Variants in SAMD5 observed in about 807,000 individuals in gnomAD.
SAMD5 encodes sterile alpha motif domain containing 5.
A neutral mutation model predicts 11.3 loss-of-function variants in SAMD5; 13 were observed. The ratio of observed to expected loss-of-function variants is 1.15; its 90% CI spans 0.75 to 1.83. SAMD5 has a LOEUF of 1.83. Among genes scored for constraint, SAMD5 ranks in the 40% most tolerant of loss-of-function variants. The probability of loss-of-function intolerance (pLI) is 0.00; values close to 1 mark genes in which losing one functional copy is unlikely to be tolerated. For missense variants in SAMD5, 255 were observed against 239.1 expected (o/e 1.07, Z -0.44); for synonymous variants, 129 against 111.3 (o/e 1.16, Z -1.00).
the SAMD5 span, among the ~76,000 whole-genome samples, chr6:147,902,814 T>C: frequency 6.6e-6 from 1 of 152,194 alleles, no homozygotes; most frequent in Admixed American, 6.5e-5. Flanking sequence ...AAAAAGCAAT[T>C]TCCTGCAGCC....
At chr6:147,838,555 A>G in the SAMD5 span, among the ~76,000 whole-genome samples, 1 of 120,772 alleles carries the variant, frequency 8.3e-6, no homozygotes, top group East Asian at 3.0e-4. Flanking sequence ...GTTATTGTTT[A>G]TATATTATCA....
the SAMD5 span, among the ~76,000 whole-genome samples, chr6:147,794,619 A>G: frequency 6.6e-6 from 1 of 152,200 alleles, no homozygotes; most frequent in Non-Finnish European, 1.5e-5. Flanking sequence ...AAAGTTATGA[A>G]TATTAAGAAC....
At chr6:147,806,872 A>G in the SAMD5 span, among the ~76,000 whole-genome samples, 1 of 152,120 alleles carries the variant, frequency 6.6e-6, no homozygotes, top group Non-Finnish European at 1.5e-5. Context: ...TGGGGCCCTC[A>G]TAATGGGATT....
chr6:147,727,501 G>GT (rs371807515), intron 1 of SAMD5, among the ~76,000 whole-genome samples: 8 of 152,014 alleles, frequency 5.3e-5, no homozygotes, highest in African/African-American at 1.7e-4. Context: ...CTTATTCTTC[G>GT]TTTTTTTCAG....
the SAMD5 span, among the ~76,000 whole-genome samples, chr6:147,769,176 G>A: frequency 6.6e-6 from 1 of 152,198 alleles, no homozygotes; most frequent in Non-Finnish European, 1.5e-5. Context: ...CAGACACAAA[G>A]CAAAGAGACT....
chr6:147,738,240 C>T (rs76831580), downstream of SAMD5, among the ~76,000 whole-genome samples: 4 of 152,220 alleles, frequency 2.6e-5, no homozygotes, highest in East Asian at 1.9e-4. Flanking sequence ...TGTCTAGTTC[C>T]GATGTTTATC....
the SAMD5 span, among the ~76,000 whole-genome samples, chr6:147,875,440 C>T: frequency 6.6e-5 from 10 of 152,116 alleles, no homozygotes; most frequent in Non-Finnish European, 1.3e-4. Context: ...TGAAGTCCAG[C>T]CTGCCCAGAG....
chr6:147,696,524 G>A (rs1441085383), intron 1 of SAMD5, among the ~76,000 whole-genome samples: 1 of 152,148 alleles, frequency 6.6e-6, no homozygotes, highest in Non-Finnish European at 1.5e-5. Flanking sequence ...CCTGTTACCC[G>A]TGTGCACTCT....
the SAMD5 span, among the ~76,000 whole-genome samples, chr6:147,824,410 A>G: frequency 6.6e-6 from 1 of 152,300 alleles, no homozygotes. Flanking sequence ...TGCCACTCTA[A>G]AAAACCTAAC....
exon 2 of SAMD5, chr6:147,737,369 C>T (rs1332915848): frequency 7.9e-7 from 1 of 1,261,648 alleles, no homozygotes; most frequent in Non-Finnish European, 1.0e-6. Flanking sequence ...TTTATTGGAG[C>T]TGTGAATTTA....
chr6:147,621,037 C>A (rs890112504), intron 1 of SAMD5, among the ~76,000 whole-genome samples: 7 of 151,672 alleles, frequency 4.6e-5, no homozygotes, highest in African/African-American at 1.7e-4. Context: ...TGGAATATAG[C>A]AAATTGCAAA....
intron 1 of SAMD5, among the ~76,000 whole-genome samples, chr6:147,520,804 C>T (rs1374388795): frequency 6.6e-6 from 1 of 152,084 alleles, no homozygotes; most frequent in Non-Finnish European, 1.5e-5. Flanking sequence ...TATATGTATA[C>T]ATTGTGAAAT....
the SAMD5 span, among the ~76,000 whole-genome samples, chr6:147,896,755 A>AAACAAAAAACAAACAAAC: frequency 8.4e-3 from 1,202 of 142,362 alleles, 19 homozygotes; most frequent in African/African-American, 0.031. Flanking sequence ...AAAAAAAAAA[A>AAACAAAAAACAAACAAAC]AAAAAAAACG....
At chr6:147,663,355 A>T (rs990809477) in intron 1 of SAMD5, among the ~76,000 whole-genome samples, 9 of 152,166 alleles carry the variant, frequency 5.9e-5, no homozygotes, top group Admixed American at 5.9e-4. Context: ...GATCAGGAAA[A>T]AGAACTAATG....
chr6:147,612,785 A>G (rs563501624), intron 1 of SAMD5, among the ~76,000 whole-genome samples: 1 of 152,276 alleles, frequency 6.6e-6, no homozygotes, highest in South Asian at 2.1e-4. Flanking sequence ...GAGTTCTATC[A>G]TGTTATGTAA....
chr6:147,798,586 G>T, the SAMD5 span, among the ~76,000 whole-genome samples: 1 of 151,918 alleles, frequency 6.6e-6, no homozygotes, highest in Admixed American at 6.5e-5. Flanking sequence ...TATTAGGTCC[G>T]CTTGGTGCAG....
At chr6:147,636,497 C>T (rs1239799752) in intron 1 of SAMD5, among the ~76,000 whole-genome samples, 1 of 152,272 alleles carries the variant, frequency 6.6e-6, no homozygotes, top group Non-Finnish European at 1.5e-5. Context: ...AAGAATGAAA[C>T]TACAAAATCT....
the SAMD5 span, among the ~76,000 whole-genome samples, chr6:147,804,354 C>G: frequency 6.6e-6 from 1 of 152,114 alleles, no homozygotes; most frequent in Non-Finnish European, 1.5e-5. Flanking sequence ...TTGTGATCCA[C>G]CTGCCTCAGC....
chr6:147,675,643 G>A (rs945766595), intron 1 of SAMD5, among the ~76,000 whole-genome samples: 2 of 152,172 alleles, frequency 1.3e-5, no homozygotes, highest in African/African-American at 4.8e-5. Flanking sequence ...CATGGTATAT[G>A]TCATTAAGGC....
Sources: allele counts gnomAD v4.1 joint callset (sites outside exome capture counted in the v4.1 genomes callset), GRCh38; gene constraint gnomAD v4.1.1; transcripts MANE v1.5; gene names NCBI Gene and HGNC (gene_info 2026-07-23, HGNC 2026-07-21).